Variants in INPP4B observed in about 807,000 individuals in gnomAD.
The protein encoded by INPP4B is inositol polyphosphate 4-phosphatase type II.
INPP4B carries 55 observed loss-of-function variants against 122.5 expected under a neutral mutation model. The observed-to-expected ratio is 0.45, with a 90% CI of 0.36 to 0.56. INPP4B has a LOEUF of 0.56. INPP4B is among the 20% of genes least tolerant of loss of function. The pLI is 0.00. For missense variants in INPP4B, 1,000 were observed against 1,097.7 expected, an observed-to-expected ratio of 0.91 and a Z score of 1.26; for synonymous variants, 403 against 388.7, an observed-to-expected ratio of 1.04 and a Z score of -0.43.
At chr4:142,842,551 T>G (rs1404566184) in intron 1 of INPP4B, among the ~76,000 whole-genome samples, 2 of 142,064 alleles carry the variant, frequency 1.4e-5, no homozygotes, top group African/African-American at 2.6e-5. Context: ...CAATATCTAT[T>G]ATATATAATA....
intron 2 of INPP4B, among the ~76,000 whole-genome samples, chr4:142,501,994 T>C (rs1390052596): frequency 6.6e-6 from 1 of 152,190 alleles, no homozygotes; most frequent in Non-Finnish European, 1.5e-5. Flanking sequence ...TCCAGGCACC[T>C]AGCTAGCTCT....
At chr4:142,601,901 G>A (rs573094375) in intron 2 of INPP4B, among the ~76,000 whole-genome samples, 196 of 149,230 alleles carry the variant, frequency 1.3e-3, no homozygotes, top group African/African-American at 4.1e-3. Context: ...CCCGGGAGGC[G>A]GAGCTTGCAG....
chr4:142,724,591 T>C (rs1765104312), intron 2 of INPP4B, among the ~76,000 whole-genome samples: 1 of 152,152 alleles, frequency 6.6e-6, no homozygotes. Flanking sequence ...AAGACAACCC[T>C]CAATTAACTT....
At chr4:142,454,379 C>T (rs1814943395) in intron 3 of INPP4B, among the ~76,000 whole-genome samples, 1 of 152,094 alleles carries the variant, frequency 6.6e-6, no homozygotes, top group Admixed American at 6.6e-5. Flanking sequence ...TCCCTATGCA[C>T]CCTCCCAACC....
intron 3 of INPP4B, among the ~76,000 whole-genome samples, chr4:142,439,653 G>A (rs1811270984): frequency 6.6e-6 from 1 of 152,158 alleles, no homozygotes; most frequent in South Asian, 2.1e-4. Flanking sequence ...CTATGAAGCA[G>A]CATACAAGTA....
chr4:142,301,782 A>G (rs1437251480), intron 9 of INPP4B, among the ~76,000 whole-genome samples: 1 of 152,206 alleles, frequency 6.6e-6, no homozygotes, highest in Non-Finnish European at 1.5e-5. Context: ...AGCTGTGACA[A>G]GGCTGGAACA....
At chr4:142,484,179 A>G (rs1820928022) in intron 2 of INPP4B, among the ~76,000 whole-genome samples, 2 of 152,116 alleles carry the variant, frequency 1.3e-5, no homozygotes, top group African/African-American at 4.8e-5. Flanking sequence ...TAGAAGAACA[A>G]CAATATAAAA....
intron 7 of INPP4B, among the ~76,000 whole-genome samples, chr4:142,340,885 T>C (rs925578226): frequency 6.6e-6 from 1 of 152,118 alleles, no homozygotes; most frequent in Non-Finnish European, 1.5e-5. Flanking sequence ...TTAAGTACCA[T>C]CTGGAGAAAA....
chr4:142,434,246 C>T (rs1809953509), intron 3 of INPP4B, among the ~76,000 whole-genome samples: 1 of 152,128 alleles, frequency 6.6e-6, no homozygotes, highest in African/African-American at 2.4e-5. Context: ...GAGCTGAAGA[C>T]ACTCCTGAAA....
chr4:142,659,116 T>G (rs1754683085), intron 2 of INPP4B, among the ~76,000 whole-genome samples: 1 of 152,090 alleles, frequency 6.6e-6, no homozygotes, highest in East Asian at 1.9e-4. Context: ...AAATGAGGAC[T>G]GGGCAGGGCA....
intron 25 of INPP4B, among the ~76,000 whole-genome samples, chr4:142,063,372 G>A (rs77281642): frequency 0.026 from 3,893 of 152,138 alleles, 185 homozygotes; most frequent in African/African-American, 0.089. Flanking sequence ...TTTTTACCTC[G>A]TCAGACCCTA....
intron 16 of INPP4B, among the ~76,000 whole-genome samples, chr4:142,163,295 C>T (rs1278940328): frequency 6.6e-6 from 1 of 151,932 alleles, no homozygotes; most frequent in African/African-American, 2.4e-5. Flanking sequence ...TTTGTGCCAT[C>T]CTGCCTCAGA....
chr4:142,519,455 T>C (rs565359915), intron 2 of INPP4B, among the ~76,000 whole-genome samples: 39 of 152,306 alleles, frequency 2.6e-4, no homozygotes, highest in African/African-American at 8.9e-4. Flanking sequence ...GTTAATGTCT[T>C]GTCATTGACT....
chr4:142,533,720 TAAAG>T (rs1282245460), intron 2 of INPP4B, among the ~76,000 whole-genome samples: 2 of 152,052 alleles, frequency 1.3e-5, no homozygotes, highest in Admixed American at 6.6e-5. Flanking sequence ...CTTAAGCAAA[TAAAG>T]AAACATGTTT....
At chr4:142,290,885 C>G (rs770148685) in intron 9 of INPP4B, among the ~76,000 whole-genome samples, 4 of 152,122 alleles carry the variant, frequency 2.6e-5, no homozygotes, top group Admixed American at 6.5e-5. Context: ...TTAAGACACT[C>G]AAGTTGATGA....
intron 12 of INPP4B, among the ~76,000 whole-genome samples, chr4:142,214,663 C>T (rs2149604799): frequency 6.6e-6 from 1 of 152,274 alleles, no homozygotes; most frequent in Non-Finnish European, 1.5e-5. Context: ...AGTGATTCTC[C>T]TGCCTCAGCC....
At chr4:142,354,918 T>C (rs1783074365) in intron 7 of INPP4B, among the ~76,000 whole-genome samples, 1 of 151,980 alleles carries the variant, frequency 6.6e-6, no homozygotes, top group South Asian at 2.1e-4. Flanking sequence ...GTGAGTTGAC[T>C]AGGCAATTAT....
At chr4:142,288,115 G>C (rs555369793) in intron 9 of INPP4B, among the ~76,000 whole-genome samples, 2 of 152,280 alleles carry the variant, frequency 1.3e-5, no homozygotes, top group African/African-American at 4.8e-5. Context: ...TTGGAGGGTA[G>C]GGCCTCAATA....
chr4:142,529,290 G>A (rs899063368), intron 2 of INPP4B, among the ~76,000 whole-genome samples: 1 of 151,930 alleles, frequency 6.6e-6, no homozygotes, highest in African/African-American at 2.4e-5. Flanking sequence ...AGTATCAAAG[G>A]ATAATATCCA....
Sources: gnomAD v4.1 joint callset for allele counts (sites outside exome capture counted in the v4.1 genomes callset) on GRCh38, gnomAD v4.1.1 for gene constraint, MANE v1.5 for transcripts, NCBI Gene and HGNC (gene_info 2026-07-23, HGNC 2026-07-21) for gene names.